The following SLC24A3 variants were observed in gnomAD, a reference collection of about 807,000 sequenced individuals.
The protein encoded by SLC24A3 is solute carrier family 24 member 3.
SLC24A3 carries 28 observed loss-of-function variants against 75.8 expected under a neutral mutation model. The observed-to-expected ratio is 0.37, with a 90% CI of 0.27 to 0.51. The LOEUF is 0.51. Ranked by LOEUF, SLC24A3 falls within the 20% of genes least tolerant of loss-of-function variation. SLC24A3 has a pLI of 0.94. For missense variants in SLC24A3, 663 were observed against 847.8 expected, an observed-to-expected ratio of 0.78 and a Z score of 2.71; for synonymous variants, 372 against 334.1, an observed-to-expected ratio of 1.11 and a Z score of -1.24.
chr20:19,710,585 A>AT (rs2032976994), intron 15 of SLC24A3, among the ~76,000 whole-genome samples: 1 of 152,136 alleles, frequency 6.6e-6, no homozygotes, highest in East Asian at 1.9e-4. Flanking sequence ...TGCCTTGAAG[A>AT]TTTTCTGCAT....
intron 2 of SLC24A3, among the ~76,000 whole-genome samples, chr20:19,493,498 A>G (rs1988235931): frequency 6.6e-6 from 1 of 152,244 alleles, no homozygotes; most frequent in Non-Finnish European, 1.5e-5. Context: ...ACACTGTACT[A>G]TATAATAATC....
chr20:19,473,874 G>C (rs1445528006), intron 2 of SLC24A3, among the ~76,000 whole-genome samples: 2 of 152,222 alleles, frequency 1.3e-5, no homozygotes, highest in Non-Finnish European at 2.9e-5. Context: ...TAATTCTGTG[G>C]TTTGGTCTGC....
chr20:19,640,578 C>T (rs1281605441), intron 6 of SLC24A3, among the ~76,000 whole-genome samples: 1 of 152,044 alleles, frequency 6.6e-6, no homozygotes, highest in Non-Finnish European at 1.5e-5. Context: ...GGTGGAACCC[C>T]TTTTCTACTG....
intron 1 of SLC24A3, among the ~76,000 whole-genome samples, chr20:19,238,241 C>T (rs965527766): frequency 2.0e-5 from 3 of 152,098 alleles, no homozygotes; most frequent in Non-Finnish European, 4.4e-5. Context: ...GTTCTTGTGC[C>T]GTTTGTCATC....
intron 2 of SLC24A3, among the ~76,000 whole-genome samples, chr20:19,512,823 G>A (rs1416510598): frequency 6.6e-6 from 1 of 152,222 alleles, no homozygotes; most frequent in Non-Finnish European, 1.5e-5. Flanking sequence ...GGGGCGGAAA[G>A]TAAAGAGCTA....
At chr20:19,446,798 G>C (rs6046102) in intron 2 of SLC24A3, among the ~76,000 whole-genome samples, 12,647 of 152,250 alleles carry the variant, frequency 0.083, 1,678 homozygotes, top group African/African-American at 0.28. Context: ...ATGGCTGTAA[G>C]TGAACCTGTG....
At chr20:19,678,094 C>T (rs1398808803) in intron 9 of SLC24A3, among the ~76,000 whole-genome samples, 3 of 150,806 alleles carry the variant, frequency 2.0e-5, no homozygotes, top group African/African-American at 7.3e-5. Flanking sequence ...TGAAAAGTCT[C>T]CCATGTCTAC....
chr20:19,361,942 A>G (rs1014577510), intron 2 of SLC24A3, among the ~76,000 whole-genome samples: 10 of 152,232 alleles, frequency 6.6e-5, no homozygotes, highest in Admixed American at 3.3e-4. Context: ...CTCTACCCAC[A>G]TCACAGACTC....
chr20:19,392,441 A>G lies in SLC24A3; in HGVS notation c.271+111354A>G, dbSNP rs192843273. Among the ~76,000 whole-genome samples, 236 of 152,332 alleles carry G rather than the reference A, an allele frequency of 1.5e-3. 3 individuals are homozygous for G. Among genetic ancestry groups the G allele is most frequent in the Non-Finnish European group, 8.1e-4 (55 of 68,020 alleles). On this transcript the variant is annotated intron_variant, in intron 2 of 16. Transcript: ENST00000328041. Reference sequence around the variant, plus strand: ...AGTTTTAGAGAAGACTTATGGAGTGATGAGAAATGTTCCAGCATAGCTCCC... The same window carrying G: ...AGTTTTAGAGAAGACTTATGGAGTGGTGAGAAATGTTCCAGCATAGCTCCC...
At chr20:19,317,655 G>T (rs1984615808) in intron 2 of SLC24A3, among the ~76,000 whole-genome samples, 1 of 152,164 alleles carries the variant, frequency 6.6e-6, no homozygotes, top group Non-Finnish European at 1.5e-5. Flanking sequence ...CCTTTGAGTT[G>T]CTGTAGACAG....
chr20:19,341,636 C>T (rs1468268618), intron 2 of SLC24A3, among the ~76,000 whole-genome samples: 1 of 152,226 alleles, frequency 6.6e-6, no homozygotes, highest in African/African-American at 2.4e-5. Context: ...CAACTGGGCA[C>T]AGCTCCCAGC....
chr20:19,260,274 C>T lies in SLC24A3; in HGVS notation c.143-20685C>T, dbSNP rs369905886. Among the ~76,000 whole-genome samples, 14 of 152,292 alleles carry T rather than the reference C, an allele frequency of 9.2e-5. No individual in the cohort carries two copies. The East Asian group carries it at 1.7e-3, about 19-fold the overall frequency. ...GCGACCTTTGGCAAGTTGCTGGACT[C>T]GATTCTGAGCTATTGATTTCTTCTT... On this transcript the variant is annotated intron_variant, in intron 1 of 16. Coordinates refer to ENST00000328041, the MANE Select transcript of SLC24A3 (RefSeq NM_020689.4).
intron 6 of SLC24A3, among the ~76,000 whole-genome samples, chr20:19,646,993 G>A (rs1341891936): frequency 6.6e-6 from 1 of 152,056 alleles, no homozygotes; most frequent in Non-Finnish European, 1.5e-5. Context: ...ACTGCCAACA[G>A]CCAAAACCTG....
chr20:19,505,835 G>T (rs115579750), intron 2 of SLC24A3, among the ~76,000 whole-genome samples: 2,766 of 152,300 alleles, frequency 0.018, 73 homozygotes, highest in African/African-American at 0.063. Context: ...AGCCTTCAGG[G>T]AAAGAGATGA....
intron 2 of SLC24A3, among the ~76,000 whole-genome samples, chr20:19,515,000 T>C (rs902727131): frequency 7.9e-5 from 12 of 152,350 alleles, no homozygotes; most frequent in African/African-American, 2.4e-4. Context: ...CAGACCCTTT[T>C]GGTGATCCAG....
chr20:19,294,502 A>C (rs915548477), intron 2 of SLC24A3, among the ~76,000 whole-genome samples: 1 of 152,046 alleles, frequency 6.6e-6, no homozygotes, highest in Non-Finnish European at 1.5e-5. Context: ...CTCATTGTTC[A>C]GCTCCTACTT....
intron 2 of SLC24A3, among the ~76,000 whole-genome samples, chr20:19,473,334 G>C (rs1251094701): frequency 6.6e-6 from 1 of 152,186 alleles, no homozygotes; most frequent in Non-Finnish European, 1.5e-5. Flanking sequence ...GAGGCTTGGG[G>C]TTTATGGAAT....
At chr20:19,618,209 G>A (rs1414984770) in intron 6 of SLC24A3, among the ~76,000 whole-genome samples, 1 of 152,148 alleles carries the variant, frequency 6.6e-6, no homozygotes, top group Non-Finnish European at 1.5e-5. Context: ...CTACATCCAG[G>A]TTCCAACTTC....
rs371540034 is a variant in SLC24A3, at chr20:19,452,215, A to G, written c.272-63273A>G. On this transcript the variant is annotated intron_variant, in intron 2 of 16. Coordinates refer to ENST00000328041, the MANE Select transcript of SLC24A3 (RefSeq NM_020689.4). ...GAAGACGTGGTATACTTTTTAAAGA[A>G]CAGGGCTAGAATTTACCAAGGGGGA... Among the ~76,000 whole-genome samples the G allele has an allele frequency of 3.9e-5, 6 of 152,360 alleles. No individual in the cohort carries two copies. In the East Asian group the frequency reaches 5.8e-4, roughly 15 times the overall value.
Sources: gnomAD v4.1 joint callset for allele counts (sites outside exome capture counted in the v4.1 genomes callset) on GRCh38, gnomAD v4.1.1 for gene constraint, MANE v1.5 for transcripts, NCBI Gene and HGNC (gene_info 2026-07-23, HGNC 2026-07-21) for gene names.